Variants in CAPN10 observed in about 807,000 individuals in gnomAD.
CAPN10 encodes the protein calpain-10.
In CAPN10, 71 loss-of-function variants were observed where a neutral mutation model predicts 78.4. The ratio of observed to expected loss-of-function variants is 0.91; its 90% CI spans 0.75 to 1.10. The LOEUF is 1.10. Among genes scored for constraint, CAPN10 ranks in the 50% least tolerant of loss-of-function variants. The pLI is 0.00. For missense variants in CAPN10, 849 were observed against 924.6 expected (o/e 0.92, Z 1.06); for synonymous variants, 437 against 407.2 (o/e 1.07, Z -0.88).
intron 4 of CAPN10, among the ~76,000 whole-genome samples, chr2:240,593,351 C>T (rs73108060): frequency 3.3e-5 from 5 of 152,322 alleles, no homozygotes; most frequent in African/African-American, 9.6e-5. Flanking sequence ...CTCTCTAGAC[C>T]GTTGCCCCGC....
chr2:240,591,404 G>C (rs1243331813), intron 3 of CAPN10: 1 of 236,262 alleles, frequency 4.2e-6, no homozygotes. Flanking sequence ...ACCAACACTT[G>C]TGTATCACGG....
rs764755613 is a variant in CAPN10 at position 240,596,535 on chromosome 2, C to T, written c.1481+14C>T. 24 of 1,589,188 alleles carry T rather than the reference C, an allele frequency of 1.5e-5. No homozygotes were observed. Among genetic ancestry groups the T allele is most frequent in the Admixed American group, 8.5e-5 (5 of 58,650 alleles). ...AGTCTCCCTTAGGTGAGAGGAACCG[C>T]GCAGTGCTGCTGGCTCTCCGAGGCC... On this transcript the variant is annotated intron_variant, in intron 8 of 11. Coordinates refer to ENST00000391984, the MANE Select transcript of CAPN10 (RefSeq NM_023083.4).
At chr2:240,591,845 C>T (rs1200388832) in intron 3 of CAPN10, 88 bp from the exon 4 acceptor site, 7 of 1,205,708 alleles carry the variant, frequency 5.8e-6, no homozygotes, top group East Asian at 2.4e-5. Context: ...AGCGGTTGGA[C>T]GATTTGGGGT....
intron 5 of CAPN10, 38 bp from the exon 6 acceptor site, chr2:240,594,505 C>A: frequency 6.3e-7 from 1 of 1,590,706 alleles, no homozygotes; most frequent in South Asian, 1.1e-5. Context: ...ACTACCAGTT[C>A]TCGGGAGGGG....
In CAPN10 at chr2:240,598,082, T is replaced by C. The variant is rs778367728; in HGVS notation, c.1938T>C (p.Ile646=). 6.2e-7 allele frequency: 1 copy of C among 1,605,548 alleles called. No individual in the cohort carries two copies. Among genetic ancestry groups the C allele is most frequent in the African/African-American group, 1.3e-5 (1 of 74,804 alleles). ...TCACAGTGACCATCGCAACCAGGAT[T>C]GACAGGTGGGGCTCTGGGACTTGGG... ...GAFTVTIATR[I]DRPSIHSQEM... Residue 646 remains isoleucine, a synonymous_variant, in exon 10 of 12, where the codon ATT becomes ATC. Transcript: ENST00000391984.
intron 2 of CAPN10, chr2:240,590,035 CAG>C (rs1308880429): frequency 6.5e-6 from 1 of 153,052 alleles, no homozygotes; most frequent in East Asian, 1.9e-4. Flanking sequence ...TGACCTCATT[CAG>C]AGTTTCACTC....
chr2:240,592,527 G>A (rs1014335141), intron 4 of CAPN10: 3 of 480,682 alleles, frequency 6.2e-6, no homozygotes, highest in Non-Finnish European at 8.6e-6. Flanking sequence ...AAATGAAAGG[G>A]GCCAGGTGTG....
chr2:240,590,733 C>G lies in CAPN10; in HGVS notation c.274-82C>G, dbSNP rs1408657864. ...GTGCCTGTGGAGCACTCAGCTGTGG[C>G]CACACCGCGGCCGGGACACTGGAGT... On this transcript the variant is annotated intron_variant, in intron 2 of 11. Coordinates refer to ENST00000391984, the MANE Select transcript of CAPN10 (RefSeq NM_023083.4). 9.7e-6 allele frequency: 13 copies of G among 1,335,540 alleles called. No homozygotes were observed. The Middle Eastern group carries it at 1.5e-3, about 159-fold the overall frequency. The allele number at this position is 1,335,540 out of a possible 1,614,324, so 82.7% of individuals were successfully genotyped here.
At chr2:240,593,032 T>C (rs1394717802) in intron 4 of CAPN10, among the ~76,000 whole-genome samples, 2 of 152,308 alleles carry the variant, frequency 1.3e-5, no homozygotes, top group South Asian at 2.1e-4. Context: ...CAGGAGCACG[T>C]TGAGAGGTTC....
In CAPN10 at chr2:240,598,126, G is replaced by A. The variant is rs201190551; in HGVS notation, c.1943+39G>A. The A allele has an allele frequency of 1.3e-4, 197 of 1,571,866 alleles. 1 individual carries two copies. The African/African-American group carries it at 1.8e-3, about 14-fold the overall frequency. On this transcript the variant is annotated intron_variant, in intron 10 of 11. Transcript: ENST00000391984. The stretch of plus-strand genomic sequence containing the variant: ...ACTTGGGGGCGGCCAGCTGGAGGCT[G>A]GGGTGCTGGAGTCTTAGTGCTCGCC...
chr2:240,595,305 G>A lies in CAPN10; in HGVS notation c.1278+1G>A. The A allele has an allele frequency of 6.2e-7, 1 of 1,612,466 alleles. No homozygotes were observed. Among genetic ancestry groups the A allele is most frequent in the Non-Finnish European group, 8.5e-7 (1 of 1,179,964 alleles). On this transcript the variant is annotated splice_donor_variant, in intron 7 of 11. Coordinates refer to ENST00000391984, the MANE Select transcript of CAPN10 (RefSeq NM_023083.4). LOFTEE classifies it high-confidence loss of function. The stretch of plus-strand genomic sequence containing the variant: ...GGCTGTGGGTCTGCACCTCTGGAAG[G>A]TAACTCAGCCCCGTCTGGCTCACGC...
chr2:240,594,240 C>T, intron 5 of CAPN10, 193 bp downstream of exon 5: 2 of 640,190 alleles, frequency 3.1e-6, no homozygotes, highest in Non-Finnish European at 5.1e-6. Flanking sequence ...CCAAGGTGGC[C>T]ATTGGGCCTG....
At chr2:240,590,372 C>G (rs2093093933) in intron 2 of CAPN10, 1 of 154,390 alleles carries the variant, frequency 6.5e-6, no homozygotes, top group Non-Finnish European at 1.4e-5. Context: ...CCAGCTCGGT[C>G]AAGAACTGGG....
intron 5 of CAPN10, 140 bp downstream of exon 5, chr2:240,594,187 C>G: frequency 1.1e-6 from 1 of 920,344 alleles, no homozygotes; most frequent in Non-Finnish European, 1.6e-6. Context: ...TCTCGTGACA[C>G]CATGCTTGTC....
intron 5 of CAPN10, chr2:240,594,335 AAG>A (rs1216291179): frequency 7.8e-6 from 5 of 640,772 alleles, no homozygotes; most frequent in African/African-American, 7.2e-5. Context: ...CCTCTGGGAA[AAG>A]AGAGGGCTCC....
Position 240,597,918 on chromosome 2 carries a change from C to T in CAPN10, c.1774C>T (p.Pro592Ser), listed in dbSNP as rs372925946. The T allele has an allele frequency of 6.2e-7, 1 of 1,610,356 alleles. No individual in the cohort carries two copies. The highest frequency in any genetic ancestry group is 1.1e-5 in the South Asian group (1 of 90,764). ...VPEGGRSQDAPPLLLQEPLLS... is the reference protein window; with the variant it reads ...VPEGGRSQDASPLLLQEPLLS... ...AGAGGGTGGAAGGAGCCAGGACGCA[C>T]CCCCACTGCTGCTGCAGGAGCCGCT... The change falls in exon 10 of 12, where the codon CCC becomes TCC. Residue 592 changes from proline (P) to serine (S), a missense_variant. Coordinates refer to ENST00000391984, the MANE Select transcript of CAPN10 (RefSeq NM_023083.4).
Position 240,587,003 on chromosome 2 carries a change from C to T in CAPN10, c.92C>T (p.Ser31Phe), listed in dbSNP as rs759171547. Residue 31 changes from serine (S) to phenylalanine (F), a missense_variant, in exon 1 of 12, where the codon TCT (serine) becomes TTT (phenylalanine). Ser to Phe is a radical substitution (Grantham distance 155, BLOSUM62 -2). Coordinates refer to ENST00000391984, the MANE Select transcript of CAPN10 (RefSeq NM_023083.4). ...AADSSLFCDLSTPLAQFREDI... is the reference protein window; with the variant it reads ...AADSSLFCDLFTPLAQFREDI... ...GACTCCTCGCTCTTCTGCGACTTGT[C>T]TACGCCGCTGGCCCAGTTCCGCGAG... 5.9e-5 allele frequency: 87 copies of T among 1,485,238 alleles called. No homozygotes were observed. The highest frequency in any genetic ancestry group is 3.9e-5 in the Non-Finnish European group (43 of 1,116,744). The allele number at this position is 1,485,238 out of a possible 1,614,324, so 92.0% of individuals were successfully genotyped here. A position where few individuals can be genotyped will look rare whatever the true frequency, so the allele number is the denominator to read the frequency against.
At chr2:240,598,514 T>C in intron 11 of CAPN10, 117 bp downstream of exon 11, 1 of 1,457,390 alleles carries the variant, frequency 6.9e-7, no homozygotes, top group Admixed American at 1.8e-5. Context: ...CCCTTGACTC[T>C]TCCTGTGAGA....
chr2:240,597,083 C>T (rs1293494835), intron 9 of CAPN10, 141 bp downstream of exon 9: 5 of 1,031,700 alleles, frequency 4.8e-6, no homozygotes, highest in South Asian at 3.0e-5. Flanking sequence ...GCCTAGAACC[C>T]GCACAGGGCC....
Sources: gnomAD v4.1 joint callset for allele counts (sites outside exome capture counted in the v4.1 genomes callset) on GRCh38, gnomAD v4.1.1 for gene constraint, MANE v1.5 for transcripts, NCBI Gene and HGNC (gene_info 2026-07-23, HGNC 2026-07-21) for gene names.